FOXP2: variants seen among roughly 807,000 people sequenced by gnomAD.
FOXP2 encodes the protein forkhead box protein P2.
Under a neutral mutation model 115.8 loss-of-function variants are expected in FOXP2, and 12 were observed. The observed-to-expected ratio is 0.10, with a 90% CI of 0.07 to 0.17. The LOEUF (loss-of-function observed/expected upper bound fraction) is 0.17. Among genes scored for constraint, FOXP2 ranks in the 10% least tolerant of loss-of-function variants. FOXP2 has a pLI of 1.00. For synonymous variants in FOXP2, 328 were observed against 297.7 expected (o/e 1.10, Z -1.05); for missense variants, 629 against 843.5 (o/e 0.75, Z 3.15).
intron 2 of FOXP2, among the ~76,000 whole-genome samples, chr7:114,492,718 A>G (rs1157361228): frequency 6.6e-6 from 1 of 152,018 alleles, no homozygotes. Flanking sequence ...GCAGTTGAGC[A>G]GTTTTGAGTG....
chr7:114,481,800 C>CTATCTATCTATA (rs1234590261), intron 2 of FOXP2, among the ~76,000 whole-genome samples: 34 of 150,156 alleles, frequency 2.3e-4, no homozygotes, highest in African/African-American at 8.4e-4. Flanking sequence ...ATCTATCTAT[C>CTATCTATCTATA]TATCTATCTA....
intron 3 of FOXP2, among the ~76,000 whole-genome samples, chr7:114,547,321 T>G (rs1203411110): frequency 1.3e-5 from 2 of 152,216 alleles, no homozygotes; most frequent in Non-Finnish European, 2.9e-5. Flanking sequence ...TTACAATAAA[T>G]CCCTTACTTC....
chr7:114,254,603 C>T (rs1044034477), intron 1 of FOXP2, among the ~76,000 whole-genome samples: 6 of 152,214 alleles, frequency 3.9e-5, no homozygotes, highest in Non-Finnish European at 5.9e-5. Context: ...GAAGCTTGGG[C>T]ATTCGTCACG....
At chr7:114,577,480 A>T (rs766113497) in intron 3 of FOXP2, among the ~76,000 whole-genome samples, 1 of 151,990 alleles carries the variant, frequency 6.6e-6, no homozygotes, top group South Asian at 2.1e-4. Flanking sequence ...ATAGATTCAT[A>T]CTGTTAATCA....
chr7:114,366,711 G>C (rs1313856785), intron 2 of FOXP2: 2 of 152,142 alleles, frequency 1.3e-5, no homozygotes, highest in Admixed American at 6.6e-5. Flanking sequence ...AGACTTTTAA[G>C]CTGTCACATC....
chr7:114,462,359 A>G (rs1262101582), intron 2 of FOXP2, among the ~76,000 whole-genome samples: 1 of 139,494 alleles, frequency 7.2e-6, no homozygotes, highest in Non-Finnish European at 1.5e-5. Flanking sequence ...CATTTTCAGC[A>G]TAATATCTTT....
intron 1 of FOXP2, among the ~76,000 whole-genome samples, chr7:114,229,000 G>T (rs1214599479): frequency 6.6e-6 from 1 of 151,434 alleles, no homozygotes; most frequent in Non-Finnish European, 1.5e-5. Flanking sequence ...TTATCTACAA[G>T]AGACTCACTT....
chr7:114,431,678 T>G (rs1402234726), intron 2 of FOXP2, among the ~76,000 whole-genome samples: 1 of 152,054 alleles, frequency 6.6e-6, no homozygotes, highest in Non-Finnish European at 1.5e-5. Context: ...TGGCTGTAAT[T>G]GTAATTTTTA....
At chr7:114,551,597 T>G (rs1800210295) in intron 3 of FOXP2, among the ~76,000 whole-genome samples, 1 of 152,152 alleles carries the variant, frequency 6.6e-6, no homozygotes, top group Admixed American at 6.5e-5. Flanking sequence ...AAAAGGGATA[T>G]TTAAGTATGA....
chr7:114,385,387 A>G (rs1056843469), intron 2 of FOXP2, among the ~76,000 whole-genome samples: 4 of 152,160 alleles, frequency 2.6e-5, no homozygotes, highest in Admixed American at 1.3e-4. Context: ...CCAGAGGTAT[A>G]CTTCAGAAGG....
chr7:114,693,287 T>G lies in FOXP2; in HGVS notation c.*3361T>G, dbSNP rs577087042. Reference sequence around the variant, plus strand: ...GCTGCTTAACTTCATAAGAATGCATTTCTTTGTGATTAGGGAATCGAAGAA... The same window carrying G: ...GCTGCTTAACTTCATAAGAATGCATGTCTTTGTGATTAGGGAATCGAAGAA... On this transcript the variant is annotated 3_prime_UTR_variant, in exon 17 of 17. Coordinates refer to ENST00000350908, the MANE Select transcript of FOXP2 (RefSeq NM_014491.4). 5 of 451,990 alleles carry G rather than the reference T, an allele frequency of 1.1e-5. No homozygotes were observed. The highest frequency in any genetic ancestry group is 7.8e-5 in the South Asian group (5 of 64,082). 28.0% of individuals were successfully genotyped at this position (451,990 alleles called of 1,614,324 possible).
intron 2 of FOXP2, among the ~76,000 whole-genome samples, chr7:114,464,863 G>A (rs1395420536): frequency 6.6e-6 from 1 of 152,208 alleles, no homozygotes; most frequent in Admixed American, 6.5e-5. Flanking sequence ...CATCATGAGT[G>A]TTAGCCCATC....
chr7:114,513,052 C>T (rs1798155394), intron 2 of FOXP2, among the ~76,000 whole-genome samples: 2 of 152,134 alleles, frequency 1.3e-5, no homozygotes, highest in South Asian at 2.1e-4. Context: ...CCACTGTACT[C>T]CAGCCTGGTG....
At chr7:114,648,249 G>T (rs1806031365) in intron 8 of FOXP2, among the ~76,000 whole-genome samples, 1 of 151,956 alleles carries the variant, frequency 6.6e-6, no homozygotes, top group Non-Finnish European at 1.5e-5. Context: ...TCAGAATGTT[G>T]TTTCTTTTGG....
At chr7:114,330,219 G>A (rs1017042513) in intron 2 of FOXP2, among the ~76,000 whole-genome samples, 2 of 151,764 alleles carry the variant, frequency 1.3e-5, no homozygotes, top group Admixed American at 6.6e-5. Context: ...AATATAGAAT[G>A]GCTATTTATG....
At position 114,190,734 on chromosome 7, in the gene FOXP2, ACTCT is replaced by A. The variant is rs1037087394; in HGVS notation, c.-102+27651_-102+27654del. Among the ~76,000 whole-genome samples, 234 of 151,174 alleles carry A rather than the reference ACTCT, an allele frequency of 1.5e-3. 1 individual carries two copies. Among genetic ancestry groups the A allele is most frequent in the African/African-American group, 5.5e-3 (226 of 41,160 alleles). ...TTCTTTTTTCCTCTCTTCTTTTACCACTCTCTCTTTCTTCTTTAATCAACTTATA... is the reference window on the plus strand; with the variant it reads ...TTCTTTTTTCCTCTCTTCTTTTACCACTCTTTCTTCTTTAATCAACTTATA... On this transcript the variant is annotated intron_variant, in intron 1 of 17. Coordinates refer to the FOXP2 transcript ENST00000634411.
At chr7:114,441,102 A>G (rs940302943) in intron 2 of FOXP2, among the ~76,000 whole-genome samples, 1 of 152,166 alleles carries the variant, frequency 6.6e-6, no homozygotes, top group Admixed American at 6.5e-5. Context: ...CCATGTGTAC[A>G]TAAGTAATAA....
chr7:114,469,000 G>A (rs903785537), intron 2 of FOXP2, among the ~76,000 whole-genome samples: 1 of 152,026 alleles, frequency 6.6e-6, no homozygotes, highest in African/African-American at 2.4e-5. Flanking sequence ...GTCTTCACTT[G>A]GCCTCTCTTT....
intron 2 of FOXP2, among the ~76,000 whole-genome samples, chr7:114,339,699 T>C (rs1202153009): frequency 6.6e-6 from 1 of 151,168 alleles, no homozygotes; most frequent in Non-Finnish European, 1.5e-5. Context: ...TTAATTCTTA[T>C]ATTCCTTTTT....
Sources: gnomAD v4.1 joint callset for allele counts (sites outside exome capture counted in the v4.1 genomes callset) on GRCh38, gnomAD v4.1.1 for gene constraint, MANE v1.5 for transcripts, NCBI Gene and HGNC (gene_info 2026-07-23, HGNC 2026-07-21) for gene names.